STK17A: variants seen among roughly 807,000 people sequenced by gnomAD.
STK17A encodes the protein serine/threonine-protein kinase 17A.
A neutral mutation model predicts 43.7 loss-of-function variants in STK17A; 26 were observed. The ratio of observed to expected loss-of-function variants is 0.60; its 90% CI spans 0.44 to 0.83. The LOEUF is 0.83. Among genes scored for constraint, STK17A ranks in the 40% least tolerant of loss-of-function variants. The pLI, the probability that STK17A is intolerant of heterozygous loss-of-function variation, is 0.00. For missense variants in STK17A, 476 were observed against 511.6 expected (o/e 0.93, Z 0.67); for synonymous variants, 191 against 182.5 (o/e 1.05, Z -0.38).
chr7:43,590,165 C>T (rs369225380), intron 1 of STK17A, among the ~76,000 whole-genome samples: 50 of 151,070 alleles, frequency 3.3e-4, no homozygotes, highest in African/African-American at 1.0e-3. Context: ...AGGCTGGTCT[C>T]GAACTCCTGG....
chr7:43,622,405 A>G (rs2083995322), intron 4 of STK17A: 1 of 152,102 alleles, frequency 6.6e-6, no homozygotes, highest in Non-Finnish European at 1.5e-5. Context: ...GACCTTGAGT[A>G]TTTCGTTTTT....
intron 2 of STK17A, among the ~76,000 whole-genome samples, chr7:43,606,935 T>TTTTTTTTTTTTTTTTG (rs2082600716): frequency 6.8e-6 from 1 of 146,770 alleles, no homozygotes; most frequent in Admixed American, 6.8e-5. Flanking sequence ...TTTTTTTTTT[T>TTTTTTTTTTTTTTTTG]TTTTTGAGAT....
intron 6 of STK17A, 124 bp from the exon 7 acceptor site, chr7:43,624,394 C>A: frequency 2.2e-6 from 2 of 895,318 alleles, no homozygotes; most frequent in South Asian, 2.1e-5. Context: ...ATTCAGGAAT[C>A]ACAGTAAGAT....
At chr7:43,615,092 A>G (rs1175536813) in intron 3 of STK17A, among the ~76,000 whole-genome samples, 1 of 152,244 alleles carries the variant, frequency 6.6e-6, no homozygotes, top group Non-Finnish European at 1.5e-5. Flanking sequence ...AATTATGAAT[A>G]TGTATCACTG....
intron 4 of STK17A, chr7:43,622,554 A>G (rs1177955728): frequency 6.8e-6 from 1 of 147,570 alleles, no homozygotes; most frequent in Non-Finnish European, 1.5e-5. Flanking sequence ...TAGTTTTGAA[A>G]AAAAAAATCT....
intron 3 of STK17A, among the ~76,000 whole-genome samples, chr7:43,612,067 G>A (rs1005523795): frequency 1.3e-5 from 2 of 152,168 alleles, no homozygotes; most frequent in African/African-American, 4.8e-5. Flanking sequence ...AGTATATTCA[G>A]TATCAATCAT....
chr7:43,598,618 G>A (rs1379446864), intron 2 of STK17A, among the ~76,000 whole-genome samples: 3 of 152,066 alleles, frequency 2.0e-5, no homozygotes, highest in Admixed American at 6.6e-5. Context: ...AAAATTGATC[G>A]AAAACCTCAG....
intron 1 of STK17A, among the ~76,000 whole-genome samples, chr7:43,591,693 A>C (rs2082481045): frequency 6.6e-6 from 1 of 151,486 alleles, no homozygotes; most frequent in South Asian, 2.1e-4. Flanking sequence ...TATGGGGAAG[A>C]GGCCCCAGAA....
chr7:43,603,755 G>T (rs1302713345), intron 2 of STK17A, among the ~76,000 whole-genome samples: 1 of 152,176 alleles, frequency 6.6e-6, no homozygotes, highest in African/African-American at 2.4e-5. Context: ...GATTCCACGT[G>T]GTGGCGGAGA....
At chr7:43,587,227 T>G (rs2082449700) in intron 1 of STK17A, among the ~76,000 whole-genome samples, 1 of 140,964 alleles carries the variant, frequency 7.1e-6, no homozygotes, top group Non-Finnish European at 1.5e-5. Context: ...CGATCTCAGC[T>G]CACCGCAAGA....
intron 3 of STK17A, among the ~76,000 whole-genome samples, chr7:43,617,488 G>A (rs896459517): frequency 6.6e-6 from 1 of 152,176 alleles, no homozygotes; most frequent in African/African-American, 2.4e-5. Context: ...ATGGAAGAGC[G>A]GGGAGGAAAG....
rs749400528 is a variant in STK17A at position 43,623,860 on chromosome 7, A to C, written c.892A>C (p.Ile298Leu). 2.5e-6 allele frequency: 4 copies of C among 1,581,620 alleles called. No homozygotes were observed. The African/African-American group carries it at 5.4e-5, about 21-fold the overall frequency. The change falls in exon 6 of 7, where the codon ATC (isoleucine) becomes CTC (leucine). Residue 298 changes from isoleucine (I) to leucine (L), a missense_variant. By Grantham distance (5) the Ile-to-Leu change is conservative. Coordinates refer to ENST00000319357, the MANE Select transcript of STK17A (RefSeq NM_004760.3). ...TTTGTCTGAGTCGGCTGTTGATTTC[A>C]TCAGGACACTTTTAGTTAAGAAACC... Reference protein sequence around the residue: ...DVLSESAVDFIRTLLVKKPED... With the variant: ...DVLSESAVDFLRTLLVKKPED...
intron 1 of STK17A, 123 bp downstream of exon 1, chr7:43,583,572 G>GT (rs2082417189): frequency 1.1e-6 from 1 of 904,958 alleles, no homozygotes; most frequent in African/African-American, 1.8e-5. Flanking sequence ...GATAACGCGC[G>GT]TTGTGACTTG....
chr7:43,601,179 G>A (rs1217558531), intron 2 of STK17A, among the ~76,000 whole-genome samples: 2 of 152,094 alleles, frequency 1.3e-5, no homozygotes, highest in Non-Finnish European at 1.5e-5. Flanking sequence ...GTTTATAGCG[G>A]GTGAAGTCTG....
chr7:43,622,715 T>TG (rs2084041126), intron 4 of STK17A: 3 of 150,066 alleles, frequency 2.0e-5, no homozygotes, highest in Admixed American at 2.0e-4. Context: ...GTTTTTTTTT[T>TG]TGTGAGACAC....
chr7:43,593,763 C>A (rs2082496537), intron 1 of STK17A, among the ~76,000 whole-genome samples: 1 of 148,630 alleles, frequency 6.7e-6, no homozygotes, highest in Non-Finnish European at 1.5e-5. Context: ...TTCTGGATAT[C>A]ATCCCTTTGT....
At position 43,583,204 on chromosome 7, in the gene STK17A, G is replaced by T; in HGVS notation, c.-40G>T. The stretch of plus-strand genomic sequence containing the variant: ...GGGTCCGTGACCCTCCGGCTGCTCG[G>T]AGTGAACAGGCGGCCAGGAAAGAAG... On this transcript the variant is annotated 5_prime_UTR_variant, in exon 1 of 7. Transcript: ENST00000319357. 1 of 1,550,868 alleles carries T rather than the reference G, an allele frequency of 6.4e-7. No individual in the cohort carries two copies. The highest frequency in any genetic ancestry group is 8.7e-7 in the Non-Finnish European group (1 of 1,150,086).
chr7:43,623,019 C>T (rs1351654545), intron 4 of STK17A: 1 of 152,406 alleles, frequency 6.6e-6, no homozygotes, highest in Non-Finnish European at 1.5e-5. Flanking sequence ...ATAGATGCAA[C>T]TTAGTTGCCT....
intron 4 of STK17A, among the ~76,000 whole-genome samples, chr7:43,621,350 T>TTTAATGGGTACCA (rs2083864910): frequency 6.6e-6 from 1 of 152,222 alleles, no homozygotes; most frequent in Non-Finnish European, 1.5e-5. Flanking sequence ...AACCCAAGTG[T>TTTAATGGGTACCA]TTTAGCCAAA....
Sources: gnomAD v4.1 joint callset for allele counts (sites outside exome capture counted in the v4.1 genomes callset) on GRCh38, gnomAD v4.1.1 for gene constraint, MANE v1.5 for transcripts, NCBI Gene and HGNC (gene_info 2026-07-23, HGNC 2026-07-21) for gene names.